Variants in BMP5 observed in about 807,000 individuals in gnomAD.
The protein encoded by BMP5 is bone morphogenetic protein 5.
In BMP5, 23 loss-of-function variants were observed where a neutral mutation model predicts 46.6. The observed-to-expected ratio is 0.49, with a 90% CI of 0.35 to 0.70. The LOEUF is 0.70. BMP5 is among the 30% of genes least tolerant of loss of function. The pLI, the probability that BMP5 is intolerant of heterozygous loss-of-function variation, is 0.00. For missense variants in BMP5, 545 were observed against 565.6 expected, an observed-to-expected ratio of 0.96 and a Z score of 0.37; for synonymous variants, 204 against 191.9, an observed-to-expected ratio of 1.06 and a Z score of -0.52.
Position 55,760,393 on chromosome 6 carries a change from A to G in BMP5, c.1104+64T>C, listed in dbSNP as rs139240218. 2.4e-3 allele frequency: 3,511 copies of G among 1,453,358 alleles called. 13 individuals are homozygous for G. Among genetic ancestry groups the G allele is most frequent in the Middle Eastern group, 5.4e-3 (31 of 5,770 alleles). The allele number at this position is 1,453,358 out of a possible 1,614,324, so 90.0% of individuals were successfully genotyped here. A position where few individuals can be genotyped will look rare whatever the true frequency, so the allele number is the denominator to read the frequency against. On this transcript the variant is annotated intron_variant, in intron 5 of 6. Coordinates refer to ENST00000370830, the MANE Select transcript of BMP5 (RefSeq NM_021073.4). ...TATTGGAAAATTACTGCCAAAGACT[A>G]TGACTTATTAAGGATTTATGATAAT...
At chr6:55,839,173 T>G (rs1776892165) in intron 1 of BMP5, among the ~76,000 whole-genome samples, 1 of 152,166 alleles carries the variant, frequency 6.6e-6, no homozygotes, top group African/African-American at 2.4e-5. Flanking sequence ...AATCATTGTG[T>G]CATTTCAAAT....
At chr6:55,823,235 G>A (rs1482393084) in intron 1 of BMP5, among the ~76,000 whole-genome samples, 1 of 152,030 alleles carries the variant, frequency 6.6e-6, no homozygotes, top group Non-Finnish European at 1.5e-5. Context: ...TTCATTGTTA[G>A]TTTAAACAAT....
intron 2 of BMP5, among the ~76,000 whole-genome samples, chr6:55,799,919 C>T (rs1775803181): frequency 1.3e-5 from 2 of 152,154 alleles, no homozygotes; most frequent in Non-Finnish European, 2.9e-5. Context: ...CACAGTGAAA[C>T]ATCACCTTTT....
chr6:55,865,770 C>G (rs1193875058), intron 1 of BMP5, among the ~76,000 whole-genome samples: 1 of 152,062 alleles, frequency 6.6e-6, no homozygotes, highest in East Asian at 1.9e-4. Context: ...TAGTATTTGT[C>G]TCATGTAGGC....
At chr6:55,805,600 T>C (rs1775968895) in intron 2 of BMP5, among the ~76,000 whole-genome samples, 1 of 152,214 alleles carries the variant, frequency 6.6e-6, no homozygotes, top group Non-Finnish European at 1.5e-5. Context: ...GATTGCTGGG[T>C]CAGATGGTAT....
At chr6:55,853,671 T>C (rs911005512) in intron 1 of BMP5, among the ~76,000 whole-genome samples, 4 of 152,208 alleles carry the variant, frequency 2.6e-5, no homozygotes, top group Admixed American at 6.5e-5. Context: ...ATTTTCATAA[T>C]ATGTATGTAA....
At chr6:55,833,736 A>G (rs1008025944) in intron 1 of BMP5, among the ~76,000 whole-genome samples, 2 of 152,208 alleles carry the variant, frequency 1.3e-5, no homozygotes, top group African/African-American at 4.8e-5. Flanking sequence ...GTCGTTAACT[A>G]TGTTAATAGT....
chr6:55,836,631 TACAC>T lies in BMP5; in HGVS notation c.491-16788_491-16785del, dbSNP rs61358651. ...ACACACACACAAACACATACATACA[TACAC>T]ACACACACACACACACACACACACA... is the stretch of plus-strand genomic sequence containing the variant. On this transcript the variant is annotated intron_variant, in intron 1 of 6. Coordinates refer to ENST00000370830, the MANE Select transcript of BMP5 (RefSeq NM_021073.4). Among the ~76,000 whole-genome samples, 819 of 139,548 alleles carry T rather than the reference TACAC, an allele frequency of 5.9e-3. 6 individuals are homozygous for T. Among genetic ancestry groups the T allele is most frequent in the Admixed American group, 7.4e-3 (104 of 14,114 alleles). The allele number at this position is 139,548 out of a possible 152,430, so 91.5% of individuals were successfully genotyped here.
intron 4 of BMP5, among the ~76,000 whole-genome samples, chr6:55,773,423 TC>T (rs1392328561): frequency 6.6e-6 from 1 of 151,910 alleles, no homozygotes; most frequent in Admixed American, 6.6e-5. Context: ...TGAAATTTGA[TC>T]CCTCTATAAT....
intron 4 of BMP5, among the ~76,000 whole-genome samples, chr6:55,764,271 A>C (rs776938815): frequency 1.1e-4 from 17 of 152,200 alleles, no homozygotes; most frequent in Non-Finnish European, 1.3e-4. Context: ...CTTATTATTC[A>C]GCCATAAAAA....
At chr6:55,872,973 A>C (rs1002523413) in intron 1 of BMP5, among the ~76,000 whole-genome samples, 1 of 151,880 alleles carries the variant, frequency 6.6e-6, no homozygotes, top group African/African-American at 2.4e-5. Context: ...GTTCCATGTG[A>C]AGTCTGTTAA....
At chr6:55,814,619 A>G (rs1776211432) in intron 2 of BMP5, among the ~76,000 whole-genome samples, 1 of 152,214 alleles carries the variant, frequency 6.6e-6, no homozygotes, top group South Asian at 2.1e-4. Context: ...TCTATAAGAC[A>G]TATCGCTATT....
intron 1 of BMP5, chr6:55,865,500 G>A: frequency 6.6e-6 from 3 of 457,774 alleles, no homozygotes; most frequent in Non-Finnish European, 1.3e-5. Context: ...TCTCATGAAG[G>A]CTCTGACATA....
At chr6:55,850,974 T>C (rs1777228817) in intron 1 of BMP5, among the ~76,000 whole-genome samples, 1 of 152,186 alleles carries the variant, frequency 6.6e-6, no homozygotes, top group Admixed American at 6.5e-5. Context: ...AGTTGAATGG[T>C]AAAAGATAGC....
At chr6:55,871,395 G>A (rs905336063) in intron 1 of BMP5, among the ~76,000 whole-genome samples, 6 of 151,738 alleles carry the variant, frequency 4.0e-5, no homozygotes, top group Admixed American at 1.3e-4. Flanking sequence ...GAATATGATC[G>A]AAGGAATATT....
At chr6:55,840,742 A>G (rs1776927490) in intron 1 of BMP5, among the ~76,000 whole-genome samples, 1 of 152,150 alleles carries the variant, frequency 6.6e-6, no homozygotes, top group South Asian at 2.1e-4. Flanking sequence ...CATTTATATC[A>G]TTGATTTACT....
intron 1 of BMP5, among the ~76,000 whole-genome samples, chr6:55,822,809 T>A (rs1776440781): frequency 6.6e-6 from 1 of 152,042 alleles, no homozygotes; most frequent in Non-Finnish European, 1.5e-5. Context: ...TCCAAGCTAT[T>A]TAACTTAAAC....
intron 1 of BMP5, chr6:55,865,330 CCTT>C: frequency 6.9e-6 from 3 of 435,886 alleles, no homozygotes; most frequent in South Asian, 5.0e-5. Context: ...AGTTTCCCCT[CCTT>C]AACAAGCAAG....
At chr6:55,796,308 C>A (rs929009167) in intron 2 of BMP5, among the ~76,000 whole-genome samples, 1 of 151,946 alleles carries the variant, frequency 6.6e-6, no homozygotes, top group African/African-American at 2.4e-5. Context: ...GCAAAATTAA[C>A]AAATTTCTTT....
Sources: gnomAD v4.1 joint callset for allele counts (sites outside exome capture counted in the v4.1 genomes callset) on GRCh38, gnomAD v4.1.1 for gene constraint, MANE v1.5 for transcripts, NCBI Gene and HGNC (gene_info 2026-07-23, HGNC 2026-07-21) for gene names.